The following KIAA1549L variants were observed in gnomAD, a reference collection of about 807,000 sequenced individuals.
KIAA1549L encodes UPF0606 protein KIAA1549L.
A neutral mutation model predicts 160.7 loss-of-function variants in KIAA1549L; 88 were observed. The observed-to-expected ratio is 0.55, with a 90% CI of 0.46 to 0.65. The LOEUF (loss-of-function observed/expected upper bound fraction) is 0.65. Ranked by LOEUF, KIAA1549L falls within the 30% of genes least tolerant of loss-of-function variation. The pLI, the probability that KIAA1549L is intolerant of heterozygous loss-of-function variation, is 0.00. For missense variants in KIAA1549L, 2,258 were observed against 2,437.5 expected (o/e 0.93, Z 1.55); for synonymous variants, 950 against 976.7 (o/e 0.97, Z 0.51).
At chr11:33,472,194 C>A (rs1366577215) in intron 1 of KIAA1549L, among the ~76,000 whole-genome samples, 1 of 151,096 alleles carries the variant, frequency 6.6e-6, no homozygotes, top group Non-Finnish European at 1.5e-5. Flanking sequence ...GAGTACAGTG[C>A]AGTGAACTCC....
rs777975724 is a variant in KIAA1549L at position 33,580,497 on chromosome 11, C to T, written c.4403-2841C>T. On this transcript the variant is annotated intron_variant, in intron 10 of 20. Coordinates refer to ENST00000658780, the MANE Select transcript of KIAA1549L (RefSeq NM_012194.3). ...GCTGATGCACAAGAATGGCTTGAAA[C>T]TGGGAAGCAGAGGTTGCAGTGAGCC... 3.4e-5 allele frequency among the ~76,000 whole-genome samples: 5 copies of T among 145,356 alleles called. No individual in the cohort carries two copies. In the South Asian group the frequency reaches 6.4e-4, roughly 19 times the overall value.
At chr11:33,457,757 C>T (rs1237369507) in intron 1 of KIAA1549L, among the ~76,000 whole-genome samples, 1 of 152,136 alleles carries the variant, frequency 6.6e-6, no homozygotes, top group East Asian at 1.9e-4. Context: ...TGTCTTCTGA[C>T]CTAGGTTTTG....
At chr11:33,427,426 A>G (rs1364647234) in intron 1 of KIAA1549L, among the ~76,000 whole-genome samples, 1 of 151,980 alleles carries the variant, frequency 6.6e-6, no homozygotes, top group East Asian at 1.9e-4. Flanking sequence ...CTCCTCTCCC[A>G]TCATAGATAT....
At chr11:33,464,473 CATGTGT>C (rs1164910573) in intron 1 of KIAA1549L, among the ~76,000 whole-genome samples, 25 of 91,428 alleles carry the variant, frequency 2.7e-4, no homozygotes, top group African/African-American at 9.9e-4. Flanking sequence ...GCTGTGTGTG[CATGTGT>C]GTGTGTGTGT....
At chr11:33,399,331 A>C (rs2134062343) in intron 1 of KIAA1549L, among the ~76,000 whole-genome samples, 1 of 152,156 alleles carries the variant, frequency 6.6e-6, no homozygotes, top group South Asian at 2.1e-4. Flanking sequence ...TCTATTCTAA[A>C]TTTTGCTGGT....
chr11:33,501,007 A>AT (rs930341669), intron 1 of KIAA1549L, among the ~76,000 whole-genome samples: 10 of 152,230 alleles, frequency 6.6e-5, no homozygotes, highest in African/African-American at 2.4e-4. Context: ...CCAAAAAAAA[A>AT]CCAAAGACAT....
intron 20 of KIAA1549L, among the ~76,000 whole-genome samples, chr11:33,666,789 C>G (rs1852470860): frequency 2.0e-5 from 3 of 152,148 alleles, no homozygotes; most frequent in South Asian, 2.1e-4. Flanking sequence ...TAATTCCAGC[C>G]CTTAAAGCAG....
At chr11:33,550,976 C>A (rs1590335028) in intron 4 of KIAA1549L, 64 bp from the exon 5 acceptor site, 1 of 1,344,606 alleles carries the variant, frequency 7.4e-7, no homozygotes, top group Non-Finnish European at 1.1e-6. Flanking sequence ...CTAAGAAATA[C>A]CAGGAAGAAC....
At chr11:33,608,112 A>G (rs1370985284) in intron 14 of KIAA1549L, among the ~76,000 whole-genome samples, 1 of 152,164 alleles carries the variant, frequency 6.6e-6, no homozygotes, top group African/African-American at 2.4e-5. Context: ...AAGAGTATGG[A>G]TTCTCAAGCC....
intron 1 of KIAA1549L, among the ~76,000 whole-genome samples, chr11:33,404,748 G>A (rs895991970): frequency 2.0e-5 from 3 of 152,000 alleles, no homozygotes; most frequent in African/African-American, 4.8e-5. Flanking sequence ...AGTGGCTCAC[G>A]CCTGTATTCC....
Position 33,545,317 on chromosome 11 carries a change from G to A in KIAA1549L, c.3324G>A (p.Thr1108=), listed in dbSNP as rs1394089967. The A allele has an allele frequency of 6.8e-6, 11 of 1,613,288 alleles. No homozygotes were observed. In the East Asian group the frequency reaches 1.1e-4, roughly 16 times the overall value. ...VLPAASAAVV[T]TGKMASNLEC... is the part of the protein sequence containing the mutation. ...CTGCTGCATCGGCTGCAGTGGTCAC[G>A]ACTGGCAAAATGGCATCCAACCTGG... Residue 1108 remains threonine (T), a synonymous_variant, in exon 3 of 21, where the codon ACG becomes ACA. Coordinates refer to ENST00000658780, the MANE Select transcript of KIAA1549L (RefSeq NM_012194.3).
intron 6 of KIAA1549L, among the ~76,000 whole-genome samples, chr11:33,556,634 G>T (rs1043023448): frequency 1.3e-5 from 2 of 152,188 alleles, no homozygotes; most frequent in Non-Finnish European, 2.9e-5. Flanking sequence ...TCTTATAAAA[G>T]ATATCTAGAG....
At chr11:33,531,487 G>A (rs896478244) in intron 1 of KIAA1549L, among the ~76,000 whole-genome samples, 3 of 151,722 alleles carry the variant, frequency 2.0e-5, no homozygotes, top group African/African-American at 7.3e-5. Flanking sequence ...AAATAAATAA[G>A]TAAAATAAAA....
intron 9 of KIAA1549L, 122 bp downstream of exon 9, chr11:33,568,349 C>A: frequency 2.2e-6 from 2 of 891,072 alleles, no homozygotes; most frequent in Non-Finnish European, 3.2e-6. Context: ...CTGACTAAGC[C>A]ATTTTATCAA....
At chr11:33,457,206 C>T (rs1851845660) in intron 1 of KIAA1549L, among the ~76,000 whole-genome samples, 1 of 152,156 alleles carries the variant, frequency 6.6e-6, no homozygotes, top group Non-Finnish European at 1.5e-5. Context: ...AGCACACTGA[C>T]CTCCCTCTGC....
Position 33,388,621 on chromosome 11 carries a change from A to G in KIAA1549L, c.238+11732A>G, listed in dbSNP as rs539581103. Among the ~76,000 whole-genome samples, 15 of 152,310 alleles carry G rather than the reference A, an allele frequency of 9.8e-5. No individual in the cohort carries two copies. The East Asian group carries it at 2.5e-3, about 25-fold the overall frequency. On this transcript the variant is annotated intron_variant, in intron 1 of 20. Coordinates refer to ENST00000658780, the MANE Select transcript of KIAA1549L (RefSeq NM_012194.3). ...GCAACTTGCTTTTCCCGTTAACACT[A>G]TATCATGACCCTCTTTCCATGCTAA...
At chr11:33,429,512 G>A (rs149882009) in intron 1 of KIAA1549L, among the ~76,000 whole-genome samples, 1,545 of 152,114 alleles carry the variant, frequency 0.01, 20 homozygotes, top group Non-Finnish European at 0.016. Flanking sequence ...TCCATTTTCG[G>A]TCCTCAATGT....
chr11:33,598,884 C>T lies in KIAA1549L; in HGVS notation c.4816C>T (p.Arg1606Cys), dbSNP rs768176918. The T allele has an allele frequency of 1.2e-5, 20 of 1,613,678 alleles. No individual in the cohort carries two copies. Among genetic ancestry groups the T allele is most frequent in the African/African-American group, 5.3e-5 (4 of 74,894 alleles). ...NESGKPSSGR[R>C]SPQNVMAQQK... Reference sequence around the variant, plus strand: ...ATCAGGGAAGCCCAGCTCAGGGAGACGCTCACCCCAGAATGTAATGGCACA... The same window carrying T: ...ATCAGGGAAGCCCAGCTCAGGGAGATGCTCACCCCAGAATGTAATGGCACA... The change falls in exon 13 of 21, where the codon CGC becomes TGC. Residue 1606 changes from arginine to cysteine, a missense_variant. By Grantham distance (180) the Arg-to-Cys change is radical. This residue lies in a region of KIAA1549L where 1,359 missense variants were observed against 1,546.6 expected (regional missense o/e 0.88). Transcript: ENST00000658780.
chr11:33,613,443 T>C (rs1850699494), intron 15 of KIAA1549L, among the ~76,000 whole-genome samples: 1 of 152,192 alleles, frequency 6.6e-6, no homozygotes, highest in Non-Finnish European at 1.5e-5. Context: ...GAAAAGAGGT[T>C]TAATTGGCTC....
Sources: gnomAD v4.1 joint callset for allele counts (sites outside exome capture counted in the v4.1 genomes callset) on GRCh38, gnomAD v4.1.1 for gene constraint, gnomAD v4.1.1 regional missense constraint, MANE v1.5 for transcripts, NCBI Gene and HGNC (gene_info 2026-07-23, HGNC 2026-07-21) for gene names.